KCTD8: variants seen among roughly 807,000 people sequenced by gnomAD.
KCTD8 encodes the protein potassium channel tetramerization domain containing 8, also known as BTB/POZ domain-containing protein KCTD8.
A neutral mutation model predicts 31.5 loss-of-function variants in KCTD8; 27 were observed. The ratio of observed to expected loss-of-function variants is 0.86; its 90% CI spans 0.63 to 1.18. The LOEUF is 1.18. Ranked by LOEUF, KCTD8 falls within the 50% of genes most tolerant of loss-of-function variation. KCTD8 has a pLI of 0.00. For missense variants in KCTD8, 658 were observed against 647.7 expected (o/e 1.02, Z -0.17); for synonymous variants, 290 against 280.0 (o/e 1.04, Z -0.36).
chr4:44,393,524 A>G (rs368357123), intron 1 of KCTD8, among the ~76,000 whole-genome samples: 2 of 151,640 alleles, frequency 1.3e-5, no homozygotes, highest in East Asian at 3.9e-4. Context: ...TCACACTGAA[A>G]AAAAAAAACA....
chr4:44,313,205 C>T (rs915544080), intron 1 of KCTD8, among the ~76,000 whole-genome samples: 18 of 152,216 alleles, frequency 1.2e-4, no homozygotes, highest in African/African-American at 4.1e-4. Context: ...AGCAAGGTGA[C>T]ACTTCTAGTG....
chr4:44,264,047 T>C (rs1716260524), intron 1 of KCTD8, among the ~76,000 whole-genome samples: 1 of 152,230 alleles, frequency 6.6e-6, no homozygotes, highest in Admixed American at 6.5e-5. Flanking sequence ...AATTTTCTCA[T>C]CTGTAAGATT....
intron 1 of KCTD8, among the ~76,000 whole-genome samples, chr4:44,435,432 T>G (rs935096257): frequency 2.0e-5 from 3 of 152,002 alleles, no homozygotes; most frequent in African/African-American, 7.3e-5. Context: ...TAGACTCTAA[T>G]ATGACCATTT....
chr4:44,335,294 G>T (rs1168357972), intron 1 of KCTD8, among the ~76,000 whole-genome samples: 1 of 151,992 alleles, frequency 6.6e-6, no homozygotes, highest in Non-Finnish European at 1.5e-5. Context: ...GAGATATTCA[G>T]TTGTTATTAA....
intron 1 of KCTD8, among the ~76,000 whole-genome samples, chr4:44,386,944 A>G (rs1384774181): frequency 6.6e-6 from 1 of 151,632 alleles, no homozygotes; most frequent in Non-Finnish European, 1.5e-5. Context: ...AATTATCTTT[A>G]TTTGCAGAGG....
intron 1 of KCTD8, among the ~76,000 whole-genome samples, chr4:44,202,402 G>A (rs1235056249): frequency 2.0e-5 from 3 of 152,086 alleles, no homozygotes; most frequent in Non-Finnish European, 4.4e-5. Flanking sequence ...CGGTGGATTA[G>A]ATTTAAATAA....
intron 1 of KCTD8, among the ~76,000 whole-genome samples, chr4:44,312,914 T>C (rs1199855520): frequency 2.6e-5 from 4 of 152,108 alleles, no homozygotes; most frequent in Admixed American, 6.5e-5. Context: ...TTTCAATGTG[T>C]CCAGTTGGGA....
chr4:44,353,063 G>A (rs1486061442), intron 1 of KCTD8, among the ~76,000 whole-genome samples: 3 of 152,062 alleles, frequency 2.0e-5, no homozygotes, highest in Admixed American at 6.6e-5. Context: ...ATTATCACTA[G>A]AATAAAGATA....
chr4:44,328,739 T>A (rs771840637), intron 1 of KCTD8, among the ~76,000 whole-genome samples: 6 of 151,958 alleles, frequency 3.9e-5, no homozygotes, highest in Non-Finnish European at 8.8e-5. Context: ...GGAAAATAGT[T>A]CCAGCTTTTA....
chr4:44,301,723 T>G (rs1717629372), intron 1 of KCTD8, among the ~76,000 whole-genome samples: 1 of 152,184 alleles, frequency 6.6e-6, no homozygotes, highest in Admixed American at 6.5e-5. Flanking sequence ...TTAGTTTAAT[T>G]AGATCCCATT....
chr4:44,241,897 C>T (rs1577571186), intron 1 of KCTD8, among the ~76,000 whole-genome samples: 1 of 152,118 alleles, frequency 6.6e-6, no homozygotes, highest in African/African-American at 2.4e-5. Context: ...CTCTTTATTG[C>T]TATAATAATA....
At chr4:44,224,244 C>CCATT (rs1714885191) in intron 1 of KCTD8, among the ~76,000 whole-genome samples, 1 of 152,194 alleles carries the variant, frequency 6.6e-6, no homozygotes, top group Admixed American at 6.5e-5. Context: ...TCAAAAGCCT[C>CCATT]CATTATATGA....
At chr4:44,446,228 C>T (rs1191374463) in intron 1 of KCTD8, among the ~76,000 whole-genome samples, 2 of 152,184 alleles carry the variant, frequency 1.3e-5, no homozygotes, top group African/African-American at 4.8e-5. Context: ...AAGGAGAGTT[C>T]CCTTCCATTT....
intron 1 of KCTD8, among the ~76,000 whole-genome samples, chr4:44,182,641 CA>C (rs1236535773): frequency 6.6e-6 from 1 of 152,148 alleles, no homozygotes; most frequent in Non-Finnish European, 1.5e-5. Context: ...ACCAGGGACA[CA>C]AACACTGCGG....
At chr4:44,300,995 C>T (rs1289875958) in intron 1 of KCTD8, among the ~76,000 whole-genome samples, 3 of 150,976 alleles carry the variant, frequency 2.0e-5, no homozygotes, top group East Asian at 3.9e-4. Context: ...CGATAGTTTA[C>T]TGAGAATGAT....
At chr4:44,220,684 C>T (rs1714781890) in intron 1 of KCTD8, among the ~76,000 whole-genome samples, 1 of 152,004 alleles carries the variant, frequency 6.6e-6, no homozygotes, top group Non-Finnish European at 1.5e-5. Context: ...AAGAACAACA[C>T]TTATGTGGAG....
At chr4:44,447,462 C>T (rs1196805146) in intron 1 of KCTD8, 101 bp downstream of exon 1, 76 of 1,425,496 alleles carry the variant, frequency 5.3e-5, no homozygotes, top group Non-Finnish European at 6.7e-5. Context: ...TTAACCAGCG[C>T]CTGCCCCGGA....
chr4:44,325,436 C>T (rs1455628749), intron 1 of KCTD8, among the ~76,000 whole-genome samples: 1 of 151,824 alleles, frequency 6.6e-6, no homozygotes, highest in South Asian at 2.1e-4. Flanking sequence ...TATTTAACAA[C>T]TTGCTTATTT....
At chr4:44,242,749 C>T (rs532517491) in intron 1 of KCTD8, among the ~76,000 whole-genome samples, 1 of 152,172 alleles carries the variant, frequency 6.6e-6, no homozygotes, top group South Asian at 2.1e-4. Context: ...TTAGCACCCT[C>T]CCCTTGGTGC....
Sources: allele counts gnomAD v4.1 joint callset (sites outside exome capture counted in the v4.1 genomes callset), GRCh38; gene constraint gnomAD v4.1.1; transcripts MANE v1.5; gene names NCBI Gene and HGNC (gene_info 2026-07-23, HGNC 2026-07-21).